The following FRMD3 variants were observed in gnomAD, a reference collection of about 807,000 sequenced individuals.
FRMD3 encodes the protein FERM domain containing 3, also known as FERM domain-containing protein 3.
Under a neutral mutation model 70.2 loss-of-function variants are expected in FRMD3, and 33 were observed. The observed-to-expected ratio is 0.47, with a 90% CI of 0.36 to 0.63. FRMD3 has a LOEUF of 0.63. Ranked by LOEUF, FRMD3 falls within the 20% of genes least tolerant of loss-of-function variation. The pLI, the probability that FRMD3 is intolerant of heterozygous loss-of-function variation, is 0.00. For synonymous variants in FRMD3, 279 were observed against 255.9 expected, an observed-to-expected ratio of 1.09 and a Z score of -0.86; for missense variants, 632 against 711.4, an observed-to-expected ratio of 0.89 and a Z score of 1.27.
intron 1 of FRMD3, among the ~76,000 whole-genome samples, chr9:83,418,567 C>G (rs1826525492): frequency 6.6e-6 from 1 of 152,012 alleles, no homozygotes; most frequent in African/African-American, 2.4e-5. Context: ...AGATTAAAAC[C>G]ACAATCAGAT....
chr9:83,477,521 A>G (rs2131469523), intron 1 of FRMD3, among the ~76,000 whole-genome samples: 1 of 152,182 alleles, frequency 6.6e-6, no homozygotes, highest in South Asian at 2.1e-4. Context: ...GGATTTGCAA[A>G]GCTCCCCAGG....
At chr9:83,578,946 G>T in the FRMD3 span, among the ~76,000 whole-genome samples, 2 of 151,924 alleles carry the variant, frequency 1.3e-5, no homozygotes, top group African/African-American at 2.4e-5. Flanking sequence ...AAAACTGCTA[G>T]ACCTGATAAA....
chr9:83,435,513 C>T (rs866843084), intron 1 of FRMD3, among the ~76,000 whole-genome samples: 27 of 152,044 alleles, frequency 1.8e-4, no homozygotes, highest in African/African-American at 5.6e-4. Context: ...AAACCACAGC[C>T]GTCGTTGAGA....
At chr9:83,379,566 T>C (rs904628593) in intron 2 of FRMD3, among the ~76,000 whole-genome samples, 6 of 152,170 alleles carry the variant, frequency 3.9e-5, no homozygotes, top group African/African-American at 1.2e-4. Flanking sequence ...GACCCCATCA[T>C]TGATTCTACA....
chr9:83,542,483 T>A (rs1830010441), upstream of FRMD3, among the ~76,000 whole-genome samples: 1 of 152,242 alleles, frequency 6.6e-6, no homozygotes, highest in African/African-American at 2.4e-5. Flanking sequence ...AGCTATTCCA[T>A]GTTCATGGAT....
intron 2 of FRMD3, among the ~76,000 whole-genome samples, chr9:83,385,925 G>T (rs1825499055): frequency 6.6e-6 from 1 of 152,082 alleles, no homozygotes; most frequent in Non-Finnish European, 1.5e-5. Flanking sequence ...CTAGGTTTTA[G>T]AGGTACTAAT....
intron 13 of FRMD3, among the ~76,000 whole-genome samples, chr9:83,283,841 TG>T (rs1259501155): frequency 6.6e-6 from 1 of 152,144 alleles, no homozygotes; most frequent in Non-Finnish European, 1.5e-5. Flanking sequence ...TTAACCCATT[TG>T]TCTGTATTTG....
chr9:83,583,670 C>A, the FRMD3 span, among the ~76,000 whole-genome samples: 2 of 151,804 alleles, frequency 1.3e-5, no homozygotes, highest in Non-Finnish European at 2.9e-5. Flanking sequence ...GTGTGGTGGC[C>A]CAATCATGGC....
chr9:83,261,143 C>A (rs866454480), intron 13 of FRMD3, among the ~76,000 whole-genome samples: 3 of 37,256 alleles, frequency 8.1e-5, no homozygotes, highest in Non-Finnish European at 1.3e-4. Context: ...ACACACACAG[C>A]AGATCCTAAT....
intron 2 of FRMD3, among the ~76,000 whole-genome samples, chr9:83,385,862 A>G (rs143977488): frequency 5.9e-5 from 9 of 152,092 alleles, no homozygotes; most frequent in Non-Finnish European, 1.0e-4. Flanking sequence ...TCTCTCTCCA[A>G]TGATCTTAAT....
downstream of FRMD3, chr9:83,243,200 G>T (rs758707828): frequency 1.3e-5 from 20 of 1,550,186 alleles, no homozygotes; most frequent in Non-Finnish European, 8.7e-7. Context: ...TGCTGGGTCT[G>T]TTTACTGCAT....
intron 13 of FRMD3, among the ~76,000 whole-genome samples, chr9:83,289,288 C>G (rs78453314): frequency 0.019 from 2,882 of 151,930 alleles, 80 homozygotes; most frequent in African/African-American, 0.066. Context: ...ATGGAACTTA[C>G]AGAGTTCATT....
chr9:83,343,418 G>C (rs1823842342), intron 4 of FRMD3, 131 bp from the exon 5 acceptor site: 1 of 632,644 alleles, frequency 1.6e-6, no homozygotes. Flanking sequence ...GACATGCCCA[G>C]CCCTTTGTAG....
At chr9:83,383,256 C>T in intron 2 of FRMD3, among the ~76,000 whole-genome samples, 1 of 152,206 alleles carries the variant, frequency 6.6e-6, no homozygotes, top group East Asian at 1.9e-4. Context: ...CCAGCTGAGC[C>T]CTGCTCAAAT....
At position 83,342,425 on chromosome 9, in the gene FRMD3, G is replaced by A. The variant is rs28706084; in HGVS notation, c.472+765C>T. Among the ~76,000 whole-genome samples, 825 of 152,260 alleles carry A rather than the reference G, an allele frequency of 5.4e-3. 3 individuals are homozygous for A. Among genetic ancestry groups the A allele is most frequent in the African/African-American group, 0.019 (785 of 41,530 alleles). On this transcript the variant is annotated intron_variant, in intron 5 of 13. Transcript: ENST00000304195. ...TGCAGAGTGGTCTCTGAAATCACAT[G>A]GCAAGGAAGGGAGGATGACTATCCC... is the stretch of plus-strand genomic sequence containing the variant.
At chr9:83,331,962 A>T (rs1031772841) in intron 6 of FRMD3, 11 of 705,538 alleles carry the variant, frequency 1.6e-5, no homozygotes, top group Non-Finnish European at 2.4e-5. Context: ...GAAATGAAGC[A>T]TGACCTTCCA....
At chr9:83,498,391 A>G (rs1452728956) in intron 1 of FRMD3, among the ~76,000 whole-genome samples, 1 of 152,198 alleles carries the variant, frequency 6.6e-6, no homozygotes, top group Non-Finnish European at 1.5e-5. Flanking sequence ...AAATTCCATG[A>G]TAGAAGATAA....
chr9:83,490,798 T>TCTCACACACACACACA (rs752047493), intron 1 of FRMD3, among the ~76,000 whole-genome samples: 2 of 110,716 alleles, frequency 1.8e-5, no homozygotes, highest in African/African-American at 7.4e-5. Context: ...TCTCTCTCTC[T>TCTCACACACACACACA]CACACACACA....
intron 3 of FRMD3, among the ~76,000 whole-genome samples, chr9:83,370,848 T>C (rs1042302648): frequency 1.3e-5 from 2 of 152,120 alleles, no homozygotes; most frequent in African/African-American, 4.8e-5. Flanking sequence ...GGAGGTGAGA[T>C]TGCAGTGAGC....
Sources: allele counts gnomAD v4.1 joint callset (sites outside exome capture counted in the v4.1 genomes callset), GRCh38; gene constraint gnomAD v4.1.1; transcripts MANE v1.5; gene names NCBI Gene and HGNC (gene_info 2026-07-23, HGNC 2026-07-21).